Variants in PARD3 observed in about 807,000 individuals in gnomAD.
PARD3 encodes par-3 family cell polarity regulator, also known as partitioning defective 3 homolog.
In PARD3, 75 loss-of-function variants were observed where a neutral mutation model predicts 155.4. The ratio of observed to expected loss-of-function variants is 0.48; its 90% CI spans 0.40 to 0.58. The LOEUF (loss-of-function observed/expected upper bound fraction) is 0.58, where lower values mean the gene tolerates loss of function less well. Ranked by LOEUF, PARD3 falls within the 20% of genes least tolerant of loss-of-function variation. The pLI is 0.00. For missense variants in PARD3, 1,642 were observed against 1,721.7 expected (o/e 0.95, Z 0.82); for synonymous variants, 576 against 610.5 (o/e 0.94, Z 0.83).
chr10:34,461,841 T>C (rs2077672970), intron 4 of PARD3, among the ~76,000 whole-genome samples: 1 of 152,182 alleles, frequency 6.6e-6, no homozygotes. Context: ...TTTATACTCC[T>C]GCAGTGGTTT....
intron 21 of PARD3, among the ~76,000 whole-genome samples, chr10:34,270,942 T>C (rs1165938363): frequency 5.3e-5 from 8 of 152,324 alleles, no homozygotes; most frequent in African/African-American, 1.7e-4. Context: ...ACTTATAATA[T>C]ATTGATATAA....
chr10:34,571,813 T>A (rs2134160241), intron 2 of PARD3, among the ~76,000 whole-genome samples: 2 of 152,318 alleles, frequency 1.3e-5, no homozygotes, highest in African/African-American at 4.8e-5. Flanking sequence ...GGTATTAATA[T>A]CTGTACCAAT....
intron 24 of PARD3, among the ~76,000 whole-genome samples, chr10:34,112,255 A>G (rs1170508203): frequency 6.6e-6 from 1 of 152,192 alleles, no homozygotes; most frequent in Non-Finnish European, 1.5e-5. Flanking sequence ...ATTTACCTTC[A>G]CCAAAGGCCA....
chr10:34,671,943 G>A (rs2093617474), intron 2 of PARD3, among the ~76,000 whole-genome samples: 1 of 152,116 alleles, frequency 6.6e-6, no homozygotes, highest in African/African-American at 2.4e-5. Flanking sequence ...TGGAGGCCAA[G>A]GTGTGAGGAT....
rs1265229653 is a variant in PARD3, at chr10:34,161,248, A to AAAG, written c.3420-29666_3420-29665insCTT. ...CAACAGAGTGAGACCCTGTCTTGAA[A>AAAG]AAAAAAAAAAAAGAAGAGAATCGAG... On this transcript the variant is annotated intron_variant, in intron 22 of 24. Coordinates refer to ENST00000374788, the MANE Select transcript of PARD3 (RefSeq NM_001184785.2). 3.6e-3 allele frequency among the ~76,000 whole-genome samples: 540 copies of AAAG among 151,482 alleles called. 8 individuals carry two copies. The highest frequency in any genetic ancestry group is 0.013 in the African/African-American group (518 of 41,266).
At chr10:34,780,709 C>T (rs1222274019) in intron 1 of PARD3, among the ~76,000 whole-genome samples, 1 of 152,168 alleles carries the variant, frequency 6.6e-6, no homozygotes, top group African/African-American at 2.4e-5. Flanking sequence ...TTTACAGAAG[C>T]TGTATTTTTT....
chr10:34,427,219 G>A (rs1406837633), intron 5 of PARD3, among the ~76,000 whole-genome samples: 1 of 152,164 alleles, frequency 6.6e-6, no homozygotes, highest in South Asian at 2.1e-4. Context: ...CCTGTGGGCC[G>A]GGCATATTTC....
rs1019918704 is a variant in PARD3 at position 34,218,216 on chromosome 10, C to G, written c.3419+51441G>C. Among the ~76,000 whole-genome samples, 3 of 152,302 alleles carry G rather than the reference C, an allele frequency of 2.0e-5. No individual in the cohort carries two copies. In the South Asian group the frequency reaches 6.2e-4, roughly 32 times the overall value. Reference sequence around the variant, plus strand: ...ACTTCTCAACCCATTAGACTCTATTCTGGAAAATTCTATGGAAGGCACATG... The same window carrying G: ...ACTTCTCAACCCATTAGACTCTATTGTGGAAAATTCTATGGAAGGCACATG... On this transcript the variant is annotated intron_variant, in intron 22 of 24. Transcript: ENST00000374788.
intron 22 of PARD3, among the ~76,000 whole-genome samples, chr10:34,257,619 G>A (rs1954725724): frequency 6.6e-6 from 1 of 152,186 alleles, no homozygotes; most frequent in South Asian, 2.1e-4. Flanking sequence ...TACTCTGCTG[G>A]AGGATTATTT....
At chr10:34,657,884 C>T (rs1230318378) in intron 2 of PARD3, among the ~76,000 whole-genome samples, 4 of 151,898 alleles carry the variant, frequency 2.6e-5, no homozygotes, top group Non-Finnish European at 4.4e-5. Context: ...CGGTGGCTCA[C>T]GCCTATAATC....
chr10:34,303,138 G>C (rs1384143189), intron 20 of PARD3, among the ~76,000 whole-genome samples: 1 of 144,512 alleles, frequency 6.9e-6, no homozygotes, highest in East Asian at 2.0e-4. Context: ...AAAACCCTCA[G>C]AATTTATTTT....
intron 20 of PARD3, among the ~76,000 whole-genome samples, chr10:34,313,561 T>G (rs1957819026): frequency 6.6e-6 from 1 of 152,222 alleles, no homozygotes; most frequent in African/African-American, 2.4e-5. Flanking sequence ...AAATCATCTT[T>G]GTGACTACCA....
At chr10:34,637,679 C>T (rs1228754318) in intron 2 of PARD3, among the ~76,000 whole-genome samples, 1 of 152,222 alleles carries the variant, frequency 6.6e-6, no homozygotes, top group Non-Finnish European at 1.5e-5. Context: ...GTGGGCACTG[C>T]CGGTACAGCA....
intron 9 of PARD3, among the ~76,000 whole-genome samples, chr10:34,382,261 C>T (rs1315524906): frequency 6.6e-6 from 1 of 152,176 alleles, no homozygotes; most frequent in East Asian, 1.9e-4. Flanking sequence ...ACTACAGTAA[C>T]TGCTATCTTC....
At chr10:34,236,121 G>C (rs1588885114) in intron 22 of PARD3, among the ~76,000 whole-genome samples, 2 of 152,272 alleles carry the variant, frequency 1.3e-5, no homozygotes, top group East Asian at 3.9e-4. Flanking sequence ...TTTGGGGTAT[G>C]TGACGGCTAT....
intron 22 of PARD3, among the ~76,000 whole-genome samples, chr10:34,207,447 G>A (rs954654941): frequency 6.6e-6 from 1 of 152,146 alleles, no homozygotes; most frequent in Non-Finnish European, 1.5e-5. Flanking sequence ...AACCCCAGCC[G>A]TGGGGTTCTG....
chr10:34,276,521 T>G (rs1421125085), intron 21 of PARD3, among the ~76,000 whole-genome samples: 2 of 152,192 alleles, frequency 1.3e-5, no homozygotes, highest in Non-Finnish European at 2.9e-5. Flanking sequence ...TTTTGTAACA[T>G]TTCTATTCAT....
At chr10:34,685,495 G>A (rs1050087359) in intron 2 of PARD3, among the ~76,000 whole-genome samples, 11 of 152,086 alleles carry the variant, frequency 7.2e-5, no homozygotes, top group Admixed American at 3.3e-4. Context: ...GTTTACTTAC[G>A]GAAATTAAGC....
intron 22 of PARD3, among the ~76,000 whole-genome samples, chr10:34,227,650 A>T (rs949249155): frequency 6.6e-6 from 1 of 151,888 alleles, no homozygotes; most frequent in Non-Finnish European, 1.5e-5. Context: ...AAATAAATAA[A>T]TACATACATA....
Sources: allele counts gnomAD v4.1 joint callset (sites outside exome capture counted in the v4.1 genomes callset), GRCh38; gene constraint gnomAD v4.1.1; transcripts MANE v1.5; gene names NCBI Gene and HGNC (gene_info 2026-07-23, HGNC 2026-07-21).